The following AVL9 variants were observed in gnomAD, a reference collection of about 807,000 sequenced individuals.
The protein encoded by AVL9 is AVL9 cell migration associated.
AVL9 carries 49 observed loss-of-function variants against 79.2 expected under a neutral mutation model. That is an observed-to-expected ratio of 0.62 (90% CI 0.49 to 0.79). The LOEUF (loss-of-function observed/expected upper bound fraction) is 0.79, where lower values mean the gene tolerates loss of function less well. Ranked by LOEUF, AVL9 falls within the 30% of genes least tolerant of loss-of-function variation. The pLI is 0.00. For synonymous variants in AVL9, 299 were observed against 280.6 expected (o/e 1.07, Z -0.65); for missense variants, 682 against 776.8 (o/e 0.88, Z 1.45).
At chr7:32,542,995 T>C in intron 1 of AVL9, 146 bp from the exon 2 acceptor site, 3 of 971,798 alleles carry the variant, frequency 3.1e-6, no homozygotes, top group Non-Finnish European at 4.6e-6. Context: ...TTCCATGCCA[T>C]AGGTTTGCTG....
chr7:32,563,158 A>G (rs1008421965), intron 10 of AVL9, among the ~76,000 whole-genome samples: 4 of 152,038 alleles, frequency 2.6e-5, no homozygotes, highest in Non-Finnish European at 5.9e-5. Flanking sequence ...CAGCCTCCCT[A>G]GTAGCTGGGA....
chr7:32,503,340 A>C lies in AVL9; in HGVS notation c.93+7538A>C, dbSNP rs1475117908. Among the ~76,000 whole-genome samples, 27 of 87,570 alleles carry C rather than the reference A, an allele frequency of 3.1e-4. No individual in the cohort carries two copies. In the Admixed American group the frequency reaches 3.3e-3, roughly 11 times the overall value. 57.4% of individuals were successfully genotyped at this position (87,570 alleles called of 152,430 possible). On this transcript the variant is annotated intron_variant, in intron 1 of 15. Coordinates refer to ENST00000318709, the MANE Select transcript of AVL9 (RefSeq NM_015060.3). Reference sequence around the variant, plus strand: ...AAAAGATATATATATATATCTATATATATAGATATAGATATAGAGAGATAT... The same window carrying C: ...AAAAGATATATATATATATCTATATCTATAGATATAGATATAGAGAGATAT...
chr7:32,497,965 T>A (rs1429594617), intron 1 of AVL9, among the ~76,000 whole-genome samples: 1 of 152,200 alleles, frequency 6.6e-6, no homozygotes, highest in Non-Finnish European at 1.5e-5. Context: ...CCATTAGTTC[T>A]AAATGTGCGC....
intron 1 of AVL9, among the ~76,000 whole-genome samples, chr7:32,522,657 C>CT (rs1375206739): frequency 1.3e-5 from 2 of 152,034 alleles, no homozygotes; most frequent in Non-Finnish European, 2.9e-5. Flanking sequence ...TGAGTTAAGA[C>CT]TTTGGGAGAC....
At chr7:32,513,689 A>G (rs1180509916) in intron 1 of AVL9, among the ~76,000 whole-genome samples, 1 of 152,226 alleles carries the variant, frequency 6.6e-6, no homozygotes, top group Non-Finnish European at 1.5e-5. Flanking sequence ...TAAGACACGG[A>G]GACAAAGTAT....
intron 1 of AVL9, among the ~76,000 whole-genome samples, chr7:32,505,005 C>T (rs1787343677): frequency 6.6e-6 from 1 of 151,914 alleles, no homozygotes; most frequent in South Asian, 2.1e-4. Context: ...TCCCATGTAG[C>T]TGGGATTACA....
chr7:32,568,429 G>C (rs1233003438), intron 10 of AVL9, among the ~76,000 whole-genome samples: 2 of 152,068 alleles, frequency 1.3e-5, no homozygotes, highest in African/African-American at 4.8e-5. Flanking sequence ...TCGAACTCCT[G>C]ACCTCAAGTG....
chr7:32,577,226 T>G (rs1176577018), intron 13 of AVL9, among the ~76,000 whole-genome samples: 1 of 152,076 alleles, frequency 6.6e-6, no homozygotes, highest in Admixed American at 6.6e-5. Context: ...TCCCAGCTAT[T>G]TGGGAGACTG....
At chr7:32,517,366 C>T (rs2128121602) in intron 1 of AVL9, among the ~76,000 whole-genome samples, 1 of 151,026 alleles carries the variant, frequency 6.6e-6, no homozygotes, top group South Asian at 2.1e-4. Flanking sequence ...AGCGCAGTGG[C>T]ATGATCTCAG....
intron 1 of AVL9, among the ~76,000 whole-genome samples, chr7:32,529,672 T>A (rs1788560075): frequency 6.6e-6 from 1 of 152,248 alleles, no homozygotes; most frequent in South Asian, 2.1e-4. Context: ...CCCATGCATT[T>A]GAACACTTCA....
intron 1 of AVL9, among the ~76,000 whole-genome samples, chr7:32,510,061 G>C (rs1787589750): frequency 1.3e-5 from 2 of 152,208 alleles, no homozygotes; most frequent in African/African-American, 2.4e-5. Flanking sequence ...CCACAGTCCT[G>C]GCAATTCTGA....
At chr7:32,499,175 C>G (rs1787006489) in intron 1 of AVL9, among the ~76,000 whole-genome samples, 1 of 151,742 alleles carries the variant, frequency 6.6e-6, no homozygotes, top group African/African-American at 2.4e-5. Flanking sequence ...CGAAACAAAA[C>G]AAAAATTTAT....
rs571631263 is a variant in AVL9 at position 32,584,551 on chromosome 7, T to C, written c.*644T>C. 8.1e-4 allele frequency: 126 copies of C among 154,684 alleles called. No individual in the cohort carries two copies. Among genetic ancestry groups the C allele is most frequent in the South Asian group, 3.8e-3 (19 of 5,000 alleles). 9.6% of individuals were successfully genotyped at this position (154,684 alleles called of 1,614,324 possible). ...AAACTTGGTTTCAGACATCAAGGAG[T>C]ATCACTGTGCTTTCCTCCTCTTTAT... On this transcript the variant is annotated 3_prime_UTR_variant, in exon 16 of 16. Transcript: ENST00000318709.
chr7:32,499,260 G>A (rs1787010119), intron 1 of AVL9, among the ~76,000 whole-genome samples: 1 of 152,024 alleles, frequency 6.6e-6, no homozygotes, highest in Non-Finnish European at 1.5e-5. Context: ...TATAGATTGT[G>A]TATTCCAGAG....
chr7:32,564,950 G>A (rs1272355036), intron 10 of AVL9, among the ~76,000 whole-genome samples: 4 of 152,154 alleles, frequency 2.6e-5, no homozygotes, highest in South Asian at 2.1e-4. Flanking sequence ...TGGAATGAGG[G>A]AAGTGGAAAA....
At position 32,543,149 on chromosome 7, in the gene AVL9, C is replaced by T. The variant is rs1488361613; in HGVS notation, c.102C>T (p.Phe34=). Residue 34 remains phenylalanine (F), a synonymous_variant, in exon 2 of 16, where the codon TTC becomes TTT. Coordinates refer to ENST00000318709, the MANE Select transcript of AVL9 (RefSeq NM_015060.3). ...FHHKKGCQVE[F]SYPPLIPGDG... is the part of the protein sequence containing the mutation. ...ATTCCTTACTATTTTAGGTTGAATTCTCTTACCCGCCCCTGATTCCAGGAG... is the reference window on the plus strand; with the variant it reads ...ATTCCTTACTATTTTAGGTTGAATTTTCTTACCCGCCCCTGATTCCAGGAG... 1 of 1,613,940 alleles carries T rather than the reference C, an allele frequency of 6.2e-7. No homozygotes were observed. The highest frequency in any genetic ancestry group is 8.5e-7 in the Non-Finnish European group (1 of 1,179,980).
At position 32,587,953 on chromosome 7, in the gene AVL9, TGTATG is replaced by T. The variant is rs1317219848; in HGVS notation, c.*4050_*4054del. On this transcript the variant is annotated 3_prime_UTR_variant, in exon 16 of 16. Coordinates refer to ENST00000318709, the MANE Select transcript of AVL9 (RefSeq NM_015060.3). ...ATGAAGGAGGGGAAACTAGTTCCCT[TGTATG>T]GTAACTCCAAAGTTAAAAAATTGTG... 1.3e-5 allele frequency: 2 copies of T among 152,200 alleles called. No individual in the cohort carries two copies. The highest frequency in any genetic ancestry group is 2.9e-5 in the Non-Finnish European group (2 of 68,022). The allele number at this position is 152,200 out of a possible 1,614,324, so 9.4% of individuals were successfully genotyped here.
intron 10 of AVL9, among the ~76,000 whole-genome samples, chr7:32,567,763 G>A (rs184589596): frequency 5.5e-4 from 84 of 151,816 alleles, no homozygotes; most frequent in Non-Finnish European, 8.2e-4. Context: ...CACCCAGGCT[G>A]GAGTGCCGTG....
intron 1 of AVL9, among the ~76,000 whole-genome samples, chr7:32,527,350 A>C (rs1245311842): frequency 6.6e-6 from 1 of 152,224 alleles, no homozygotes; most frequent in Non-Finnish European, 1.5e-5. Context: ...CTGCTGGGTT[A>C]ATACCCTCAG....
Sources: allele counts gnomAD v4.1 joint callset (sites outside exome capture counted in the v4.1 genomes callset), GRCh38; gene constraint gnomAD v4.1.1; transcripts MANE v1.5; gene names NCBI Gene and HGNC (gene_info 2026-07-23, HGNC 2026-07-21).